The following DNM3 variants were observed in gnomAD, a reference collection of about 807,000 sequenced individuals.
DNM3 encodes dynamin-3.
A neutral mutation model predicts 101.6 loss-of-function variants in DNM3; 47 were observed. The ratio of observed to expected loss-of-function variants is 0.46; its 90% CI spans 0.37 to 0.59. The LOEUF is 0.59. Ranked by LOEUF, DNM3 falls within the 20% of genes least tolerant of loss-of-function variation. DNM3 has a pLI of 0.00. For missense variants in DNM3, 849 were observed against 1,085.7 expected (o/e 0.78, Z 3.06); for synonymous variants, 385 against 387.9 (o/e 0.99, Z 0.09).
At chr1:172,152,107 C>T (rs999322166) in intron 14 of DNM3, among the ~76,000 whole-genome samples, 1 of 152,072 alleles carries the variant, frequency 6.6e-6, no homozygotes. Flanking sequence ...TGGTCTCAAA[C>T]TCCTGGACTC....
intron 14 of DNM3, among the ~76,000 whole-genome samples, chr1:172,188,400 C>G (rs2059594048): frequency 1.3e-5 from 2 of 152,056 alleles, no homozygotes; most frequent in South Asian, 2.1e-4. Context: ...GGGACTGGCT[C>G]TCTAACCAGG....
intron 18 of DNM3, among the ~76,000 whole-genome samples, chr1:172,385,228 C>G (rs907402535): frequency 6.6e-6 from 1 of 152,218 alleles, no homozygotes; most frequent in African/African-American, 2.4e-5. Flanking sequence ...TCTACAATAG[C>G]CTTCTAACAG....
intron 2 of DNM3, among the ~76,000 whole-genome samples, chr1:171,968,811 T>C (rs755102532): frequency 1.1e-4 from 16 of 152,172 alleles, no homozygotes; most frequent in Non-Finnish European, 2.2e-4. Context: ...TAAATTTAAA[T>C]ATTGTTTTTA....
chr1:172,408,219 T>A lies in DNM3; in HGVS notation c.*378T>A. The A allele has an allele frequency of 9.8e-7, 1 of 1,021,026 alleles. No homozygotes were observed. Among genetic ancestry groups the A allele is most frequent in the Non-Finnish European group, 1.2e-6 (1 of 851,402 alleles). The allele number at this position is 1,021,026 out of a possible 1,614,324, so 63.2% of individuals were successfully genotyped here. ...AGATATGAGATAGTGGGCTTAGACC[T>A]AAGCCATACATATTTCTTTTCCCAC... On this transcript the variant is annotated 3_prime_UTR_variant, in exon 21 of 21. Coordinates refer to ENST00000627582, the MANE Select transcript of DNM3 (RefSeq NM_015569.5).
rs558135597 is a variant in DNM3 at position 172,032,858 on chromosome 1, T to A, written c.689-247T>A. On this transcript the variant is annotated intron_variant, in intron 5 of 20. Coordinates refer to ENST00000627582, the MANE Select transcript of DNM3 (RefSeq NM_015569.5). ...ATGACAAAACTGCTAAGATACACAC[T>A]CTCTTAAAATGTACACAGTTTGAGG... Among the ~76,000 whole-genome samples, 3 of 152,166 alleles carry A rather than the reference T, an allele frequency of 2.0e-5. No individual in the cohort carries two copies. In the East Asian group the frequency reaches 5.8e-4, roughly 29 times the overall value.
intron 12 of DNM3, among the ~76,000 whole-genome samples, chr1:172,090,379 A>C (rs1011390982): frequency 6.6e-6 from 1 of 152,166 alleles, no homozygotes; most frequent in Non-Finnish European, 1.5e-5. Flanking sequence ...GCTACTCAAG[A>C]CGCTGTGTGC....
At chr1:172,241,092 A>AT (rs910483305) in intron 14 of DNM3, among the ~76,000 whole-genome samples, 41 of 151,394 alleles carry the variant, frequency 2.7e-4, no homozygotes, top group African/African-American at 9.0e-4. Context: ...AACCACCAGG[A>AT]TTTTTTTTTC....
chr1:172,069,236 C>A (rs1027039302), intron 11 of DNM3, among the ~76,000 whole-genome samples: 1 of 151,930 alleles, frequency 6.6e-6, no homozygotes, highest in Non-Finnish European at 1.5e-5. Context: ...AGAAACATAC[C>A]ACATTTTCTC....
chr1:172,058,000 A>T (rs2050792946), intron 10 of DNM3, among the ~76,000 whole-genome samples: 1 of 142,776 alleles, frequency 7.0e-6, no homozygotes, highest in Non-Finnish European at 1.5e-5. Flanking sequence ...ATGGAGGAAG[A>T]TCTACCAAGC....
At chr1:171,976,310 T>C (rs2044365798) in intron 2 of DNM3, among the ~76,000 whole-genome samples, 1 of 152,222 alleles carries the variant, frequency 6.6e-6, no homozygotes, top group African/African-American at 2.4e-5. Flanking sequence ...ATACTGGAGA[T>C]TGGGTAATTT....
intron 4 of DNM3, among the ~76,000 whole-genome samples, chr1:172,027,974 G>A (rs1049490545): frequency 6.6e-6 from 1 of 152,022 alleles, no homozygotes; most frequent in East Asian, 1.9e-4. Flanking sequence ...TAATAATAGT[G>A]GGATACTTTA....
intron 1 of DNM3, among the ~76,000 whole-genome samples, chr1:171,888,039 A>G (rs2036929611): frequency 6.6e-6 from 1 of 150,892 alleles, no homozygotes; most frequent in African/African-American, 2.4e-5. Context: ...GTTCTTGGTT[A>G]TATCCTACTG....
chr1:172,122,691 G>T (rs996451200), intron 13 of DNM3, among the ~76,000 whole-genome samples: 39 of 152,158 alleles, frequency 2.6e-4, no homozygotes, highest in African/African-American at 4.3e-4. Flanking sequence ...CAACATCGTT[G>T]TATGTGTGTG....
chr1:171,858,436 G>A (rs1406441608), intron 1 of DNM3, among the ~76,000 whole-genome samples: 1 of 151,846 alleles, frequency 6.6e-6, no homozygotes, highest in Non-Finnish European at 1.5e-5. Flanking sequence ...TTTCCTACCC[G>A]ATAACCATCA....
intron 10 of DNM3, among the ~76,000 whole-genome samples, chr1:172,057,192 T>C (rs559639969): frequency 0.013 from 1,995 of 152,210 alleles, 40 homozygotes; most frequent in African/African-American, 0.045. Flanking sequence ...TATGGGACTA[T>C]GTGAAAAGAC....
At chr1:172,307,125 C>G (rs990093254) in intron 15 of DNM3, among the ~76,000 whole-genome samples, 3 of 152,028 alleles carry the variant, frequency 2.0e-5, no homozygotes, top group African/African-American at 4.8e-5. Flanking sequence ...TGCATTCTAC[C>G]CATATGACAA....
rs2071155425 is a variant in DNM3, at chr1:172,410,686, A to G, written c.*2845A>G. 3.0e-6 allele frequency: 3 copies of G among 985,364 alleles called. No individual in the cohort carries two copies. Among genetic ancestry groups the G allele is most frequent in the Non-Finnish European group, 3.6e-6 (3 of 829,858 alleles). The allele number at this position is 985,364 out of a possible 1,614,324, so 61.0% of individuals were successfully genotyped here. ...GCCGTGTTTTATAACATAGACGAGC[A>G]GTAGGGTCTGTTTATTAGCAAATTT... is the stretch of plus-strand genomic sequence containing the variant. On this transcript the variant is annotated 3_prime_UTR_variant, in exon 21 of 21. Coordinates refer to ENST00000627582, the MANE Select transcript of DNM3 (RefSeq NM_015569.5).
At chr1:172,216,987 T>C (rs554226201) in intron 14 of DNM3, among the ~76,000 whole-genome samples, 23 of 152,308 alleles carry the variant, frequency 1.5e-4, no homozygotes, top group African/African-American at 5.1e-4. Context: ...TTTCTGATCT[T>C]TCAAAAATTA....
chr1:171,922,498 A>C (rs1361608688), intron 2 of DNM3, among the ~76,000 whole-genome samples: 1 of 152,246 alleles, frequency 6.6e-6, no homozygotes, highest in Non-Finnish European at 1.5e-5. Context: ...CATAAAAATC[A>C]TCTATCATAA....
Sources: gnomAD v4.1 joint callset for allele counts (sites outside exome capture counted in the v4.1 genomes callset) on GRCh38, gnomAD v4.1.1 for gene constraint, MANE v1.5 for transcripts, NCBI Gene and HGNC (gene_info 2026-07-23, HGNC 2026-07-21) for gene names.